PTK2: variants seen among roughly 807,000 people sequenced by gnomAD.
PTK2 encodes the protein focal adhesion kinase 1.
A neutral mutation model predicts 150.1 loss-of-function variants in PTK2; 45 were observed. The ratio of observed to expected loss-of-function variants is 0.30; its 90% CI spans 0.24 to 0.38. The LOEUF (loss-of-function observed/expected upper bound fraction) is 0.38. Ranked by LOEUF, PTK2 falls within the 10% of genes least tolerant of loss-of-function variation. The probability of loss-of-function intolerance (pLI) is 1.00; values close to 1 mark genes in which losing one functional copy is unlikely to be tolerated. For missense variants in PTK2, 919 were observed against 1,307.3 expected, an observed-to-expected ratio of 0.70 and a Z score of 4.58; for synonymous variants, 432 against 449.2, an observed-to-expected ratio of 0.96 and a Z score of 0.48.
chr8:140,949,487 C>G (rs752093071), intron 1 of PTK2, among the ~76,000 whole-genome samples: 2 of 152,228 alleles, frequency 1.3e-5, no homozygotes, highest in Non-Finnish European at 2.9e-5. Context: ...GGGAAGCCCC[C>G]CCGCCCTCAC....
intron 1 of PTK2, among the ~76,000 whole-genome samples, chr8:140,933,472 A>G (rs932808633): frequency 1.3e-5 from 2 of 152,252 alleles, no homozygotes; most frequent in Non-Finnish European, 2.9e-5. Flanking sequence ...CTGCCAGAAG[A>G]CAGAAAAATC....
intron 1 of PTK2, among the ~76,000 whole-genome samples, chr8:140,930,807 C>T (rs899362514): frequency 6.6e-6 from 1 of 152,136 alleles, no homozygotes; most frequent in African/African-American, 2.4e-5. Context: ...GGAGCAGTGA[C>T]TCACATCTGT....
intron 26 of PTK2, among the ~76,000 whole-genome samples, chr8:140,699,140 T>C (rs2100028687): frequency 6.6e-6 from 1 of 152,090 alleles, no homozygotes; most frequent in South Asian, 2.1e-4. Flanking sequence ...AGAAGGAAAG[T>C]TTTATCCTAT....
intron 22 of PTK2, among the ~76,000 whole-genome samples, chr8:140,734,291 T>C (rs2100051254): frequency 6.6e-6 from 1 of 152,250 alleles, no homozygotes; most frequent in Admixed American, 6.5e-5. Context: ...AACCATGGTA[T>C]TGTTTATATA....
chr8:140,793,578 T>C (rs913208252), intron 12 of PTK2, among the ~76,000 whole-genome samples, 194 bp from the exon 13 acceptor site: 3 of 152,196 alleles, frequency 2.0e-5, no homozygotes, highest in African/African-American at 7.2e-5. Flanking sequence ...AAACTGAGTA[T>C]TAGATACAAT....
intron 1 of PTK2, among the ~76,000 whole-genome samples, chr8:140,981,886 T>C (rs537573093): frequency 1.3e-5 from 2 of 152,272 alleles, no homozygotes; most frequent in East Asian, 1.9e-4. Context: ...CTGACTTGGG[T>C]GTCCTTCCTC....
chr8:140,727,874 T>C (rs559559713), intron 22 of PTK2, among the ~76,000 whole-genome samples: 31 of 151,988 alleles, frequency 2.0e-4, no homozygotes, highest in African/African-American at 6.0e-4. Flanking sequence ...AGCTACTGAG[T>C]AGAAAGAGTA....
intron 1 of PTK2, among the ~76,000 whole-genome samples, chr8:140,996,433 T>C (rs953427073): frequency 6.6e-6 from 1 of 152,234 alleles, no homozygotes; most frequent in African/African-American, 2.4e-5. Flanking sequence ...ACATTTTAAA[T>C]GAAGAAACCA....
intron 2 of PTK2, among the ~76,000 whole-genome samples, chr8:140,896,765 G>GCC (rs368561418): frequency 0.031 from 3,390 of 109,910 alleles, 170 homozygotes; most frequent in African/African-American, 0.11. Flanking sequence ...TACCATAGAC[G>GCC]CCCCCCCTTC....
At chr8:140,688,560 A>C (rs1227643713) in intron 26 of PTK2, among the ~76,000 whole-genome samples, 2 of 151,922 alleles carry the variant, frequency 1.3e-5, no homozygotes, top group Non-Finnish European at 2.9e-5. Flanking sequence ...ACAAAGAAAA[A>C]AATTTTAACA....
exon 11 of PTK2, chr8:140,803,626 G>C (rs1359001216): frequency 2.5e-6 from 4 of 1,613,912 alleles, no homozygotes; most frequent in Non-Finnish European, 3.4e-6. Flanking sequence ...GTTTGCACTT[G>C]AGTGAAGTCA....
intron 1 of PTK2, among the ~76,000 whole-genome samples, chr8:140,956,201 A>C (rs1173458366): frequency 6.6e-6 from 1 of 152,266 alleles, no homozygotes; most frequent in African/African-American, 2.4e-5. Context: ...TGCAAAAGTC[A>C]GAGTCAAAAG....
In PTK2 at chr8:140,797,750, T is replaced by G. The variant is rs183406954; in HGVS notation, c.1093+2709A>C. ...CAAGGTTATGCAGACTGTGGTGGAA[T>G]GCAGTCCAGGACAATTTGGCTTGTG... On this transcript the variant is annotated intron_variant, in intron 12 of 31. Coordinates refer to ENST00000522684, the Ensembl canonical transcript of PTK2. Among the ~76,000 whole-genome samples the G allele has an allele frequency of 6.9e-4, 105 of 152,328 alleles. 1 individual carries two copies. The highest frequency in any genetic ancestry group is 2.2e-3 in the African/African-American group (90 of 41,586).
intron 1 of PTK2, among the ~76,000 whole-genome samples, chr8:140,954,031 G>A (rs930305646): frequency 9.9e-5 from 15 of 151,476 alleles, no homozygotes; most frequent in Admixed American, 7.2e-4. Context: ...GCAGTGGCAC[G>A]ATCTCGGCTC....
At chr8:140,797,938 G>A (rs1445942114) in intron 12 of PTK2, among the ~76,000 whole-genome samples, 1 of 152,164 alleles carries the variant, frequency 6.6e-6, no homozygotes, top group African/African-American at 2.4e-5. Context: ...GAGCCACTAT[G>A]ACAAGGTAAC....
chr8:140,908,143 A>C (rs988083975), intron 2 of PTK2, among the ~76,000 whole-genome samples: 1 of 152,236 alleles, frequency 6.6e-6, no homozygotes, highest in Non-Finnish European at 1.5e-5. Flanking sequence ...AAATGATAAG[A>C]AAGCAGAACA....
exon 19 of PTK2, chr8:140,744,731 C>A (rs1482020051): frequency 4.4e-6 from 7 of 1,606,058 alleles, no homozygotes; most frequent in Non-Finnish European, 6.0e-6. Context: ...GATGCTAGAT[C>A]CAAACTGTAT....
intron 10 of PTK2, among the ~76,000 whole-genome samples, chr8:140,808,383 G>A (rs959331397): frequency 5.3e-5 from 8 of 152,132 alleles, no homozygotes; most frequent in African/African-American, 1.9e-4. Context: ...GGAATCTTCT[G>A]GGGGCTCTAT....
chr8:140,739,841 C>G (rs538230341), intron 20 of PTK2, among the ~76,000 whole-genome samples: 1 of 152,194 alleles, frequency 6.6e-6, no homozygotes, highest in African/African-American at 2.4e-5. Context: ...GGAGAGACTG[C>G]GGCCTTGCTG....
Sources: gnomAD v4.1 joint callset for allele counts (sites outside exome capture counted in the v4.1 genomes callset) on GRCh38, gnomAD v4.1.1 for gene constraint, MANE v1.5 for transcripts, NCBI Gene and HGNC (gene_info 2026-07-23, HGNC 2026-07-21) for gene names.